The following WTAP variants were observed in gnomAD, a reference collection of about 807,000 sequenced individuals.
The protein encoded by WTAP is WT1 associated protein.
A neutral mutation model predicts 50.0 loss-of-function variants in WTAP; 8 were observed. The ratio of observed to expected loss-of-function variants is 0.16; its 90% CI spans 0.09 to 0.29. WTAP has a LOEUF of 0.29. Among genes scored for constraint, WTAP ranks in the 10% least tolerant of loss-of-function variants. The pLI is 1.00. For missense variants in WTAP, 295 were observed against 470.7 expected (o/e 0.63, Z 3.45); for synonymous variants, 194 against 169.0 (o/e 1.15, Z -1.15).
Position 159,755,232 on chromosome 6 carries a change from G to C in WTAP, c.812G>C (p.Ser271Thr). The C allele has an allele frequency of 6.2e-7, 1 of 1,614,222 alleles. No homozygotes were observed. The highest frequency in any genetic ancestry group is 8.5e-7 in the Non-Finnish European group (1 of 1,180,028). The change falls in exon 8 of 8, where the codon AGT (serine) becomes ACT (threonine). Residue 271 changes from serine to threonine, a missense_variant. Coordinates refer to ENST00000621533, the MANE Select transcript of WTAP (RefSeq NM_001270531.2). Reference sequence around the variant, plus strand: ...TCAGAGGCCACAAGTAAAGACTGCAGTCGTCTGACAAACGGACCAAGTAAT... The same window carrying C: ...TCAGAGGCCACAAGTAAAGACTGCACTCGTCTGACAAACGGACCAAGTAAT... ...EQSEATSKDCSRLTNGPSNGS... is the reference protein window; with the variant it reads ...EQSEATSKDCTRLTNGPSNGS...
intron 6 of WTAP, among the ~76,000 whole-genome samples, chr6:159,749,650 G>A (rs189042295): frequency 8.5e-5 from 13 of 152,146 alleles, no homozygotes; most frequent in African/African-American, 3.1e-4. Context: ...TTTGTCCCAG[G>A]GTATTGCAGT....
intron 3 of WTAP, among the ~76,000 whole-genome samples, chr6:159,739,647 TAGTA>T (rs1228949380): frequency 6.6e-6 from 1 of 152,310 alleles, no homozygotes; most frequent in African/African-American, 2.4e-5. Context: ...TTGCTATGGT[TAGTA>T]AGTTTCTTGA....
chr6:159,748,522 T>C lies in WTAP; in HGVS notation c.452+153T>C. On this transcript the variant is annotated intron_variant, in intron 6 of 7. Coordinates refer to ENST00000621533, the MANE Select transcript of WTAP (RefSeq NM_001270531.2). The surrounding 1 kb of genome is among the most constrained non-coding windows in gnomAD (Gnocchi z 5.6). Reference sequence around the variant, plus strand: ...TCTTACACTGTCCAGCTTGTAATGGTTAATGTAAAACTTACCAGATGAACC... The same window carrying C: ...TCTTACACTGTCCAGCTTGTAATGGCTAATGTAAAACTTACCAGATGAACC... The C allele has an allele frequency of 7.0e-7, 1 of 1,425,152 alleles. No homozygotes were observed. The highest frequency in any genetic ancestry group is 9.2e-7 in the Non-Finnish European group (1 of 1,085,628). The allele number at this position is 1,425,152 out of a possible 1,614,324, so 88.3% of individuals were successfully genotyped here. A position where few individuals can be genotyped will look rare whatever the true frequency, so the allele number is the denominator to read the frequency against.
intron 1 of WTAP, among the ~76,000 whole-genome samples, chr6:159,730,050 G>T (rs990786137): frequency 2.0e-5 from 3 of 152,122 alleles, no homozygotes; most frequent in Non-Finnish European, 4.4e-5. Context: ...ATAAATAACT[G>T]AAACTTTTAT....
chr6:159,750,143 G>A (rs1433151161), intron 6 of WTAP, among the ~76,000 whole-genome samples: 1 of 152,238 alleles, frequency 6.6e-6, no homozygotes, highest in Non-Finnish European at 1.5e-5. Context: ...TGGAGGGTAA[G>A]TAACCAGATC....
chr6:159,734,744 A>T (rs1778801057), intron 1 of WTAP, among the ~76,000 whole-genome samples: 1 of 152,258 alleles, frequency 6.6e-6, no homozygotes, highest in Non-Finnish European at 1.5e-5. Context: ...ATGCTTTTTC[A>T]AAAGAGCACT....
chr6:159,732,886 A>ATATAGTGT (rs146623701), intron 1 of WTAP, among the ~76,000 whole-genome samples: 1 of 146,380 alleles, frequency 6.8e-6, no homozygotes, highest in Non-Finnish European at 1.5e-5. Context: ...ATATATATAT[A>ATATAGTGT]GTGTGTGTGT....
chr6:159,734,575 C>T (rs1778791110), intron 1 of WTAP, among the ~76,000 whole-genome samples: 1 of 152,104 alleles, frequency 6.6e-6, no homozygotes, highest in African/African-American at 2.4e-5. Flanking sequence ...ACTTGGGAGG[C>T]TGAGATGAGA....
At chr6:159,739,502 T>A (rs1212512009) in intron 3 of WTAP, among the ~76,000 whole-genome samples, 1 of 152,226 alleles carries the variant, frequency 6.6e-6, no homozygotes, top group Non-Finnish European at 1.5e-5. Context: ...AGTTCTGAAT[T>A]TCTGCGGTTA....
chr6:159,754,182 TAA>T (rs1382010365), intron 7 of WTAP, among the ~76,000 whole-genome samples: 1 of 152,252 alleles, frequency 6.6e-6, no homozygotes, highest in Non-Finnish European at 1.5e-5. Flanking sequence ...TTTGAAATTT[TAA>T]ATTGAAAATT....
intron 3 of WTAP, 32 bp downstream of exon 3, chr6:159,739,077 T>G: frequency 6.4e-7 from 1 of 1,553,066 alleles, no homozygotes; most frequent in Non-Finnish European, 8.9e-7. Context: ...AACAAAGTCT[T>G]TCTATAGAAC....
chr6:159,753,239 G>C (rs1360359101), intron 6 of WTAP: 3 of 568,128 alleles, frequency 5.3e-6, no homozygotes, highest in Non-Finnish European at 9.3e-6. Flanking sequence ...AGGTGTAGCT[G>C]TTTGGGCACT....
upstream of WTAP, chr6:159,726,796 T>C: frequency 7.8e-7 from 1 of 1,289,228 alleles, no homozygotes; most frequent in Non-Finnish European, 1.0e-6. Context: ...GCCAGGAGAC[T>C]GCGCCTCACG....
rs1298146814 is a variant in WTAP, at chr6:159,748,005, A to T, written c.274-186A>T. On this transcript the variant is annotated intron_variant, in intron 5 of 7. Coordinates refer to ENST00000621533, the MANE Select transcript of WTAP (RefSeq NM_001270531.2). This position sits in a 1 kb window ranked among gnomAD's most constrained non-coding sequence, Gnocchi z 5.6. ...TCAGATCGGGGTAATTAGCATATTC[A>T]TCAAATAGTTTTTAGTCTGTACTTT... is the stretch of plus-strand genomic sequence containing the variant. Among the ~76,000 whole-genome samples, 1 of 152,216 alleles carries T rather than the reference A, an allele frequency of 6.6e-6. No individual in the cohort carries two copies. Among genetic ancestry groups the T allele is most frequent in the Non-Finnish European group, 1.5e-5 (1 of 68,034 alleles).
In WTAP at chr6:159,734,085, C is replaced by T. The variant is rs565684488; in HGVS notation, c.-8-2173C>T. 1.1e-4 allele frequency among the ~76,000 whole-genome samples: 16 copies of T among 152,176 alleles called. No homozygotes were observed. The South Asian group carries it at 1.9e-3, about 18-fold the overall frequency. On this transcript the variant is annotated intron_variant, in intron 1 of 7. Coordinates refer to ENST00000621533, the MANE Select transcript of WTAP (RefSeq NM_001270531.2). Reference sequence around the variant, plus strand: ...TTTATAAAGTGGAGTTGAGATTGTACGTAGTATAAAACATGCTGTTGGAAG... The same window carrying T: ...TTTATAAAGTGGAGTTGAGATTGTATGTAGTATAAAACATGCTGTTGGAAG...
intron 1 of WTAP, among the ~76,000 whole-genome samples, chr6:159,732,885 T>G (rs148174260): frequency 5.3e-5 from 3 of 56,912 alleles, no homozygotes; most frequent in South Asian, 9.4e-4. Flanking sequence ...TATATATATA[T>G]AGTGTGTGTG....
intron 6 of WTAP, among the ~76,000 whole-genome samples, chr6:159,753,122 G>T (rs932679705): frequency 6.6e-6 from 1 of 152,118 alleles, no homozygotes; most frequent in Non-Finnish European, 1.5e-5. Flanking sequence ...AATAATACTG[G>T]TATAGCCAAG....
intron 6 of WTAP, among the ~76,000 whole-genome samples, chr6:159,750,645 T>C (rs751509623): frequency 1.3e-5 from 2 of 152,198 alleles, no homozygotes; most frequent in African/African-American, 4.8e-5. Context: ...TTGGTCTCTT[T>C]GGCATTTTTC....
intron 7 of WTAP, among the ~76,000 whole-genome samples, 169 bp from the exon 8 acceptor site, chr6:159,754,859 T>G (rs1420614040): frequency 6.6e-6 from 1 of 152,192 alleles, no homozygotes; most frequent in African/African-American, 2.4e-5. Context: ...CAAAACAAAC[T>G]CAGTCATATT....
Sources: gnomAD v4.1 joint callset for allele counts (sites outside exome capture counted in the v4.1 genomes callset) on GRCh38, gnomAD v4.1.1 for gene constraint, Gnocchi (gnomAD v3.1) non-coding constraint, MANE v1.5 for transcripts, NCBI Gene and HGNC (gene_info 2026-07-23, HGNC 2026-07-21) for gene names.